LDLRAD4: variants seen among roughly 807,000 people sequenced by gnomAD.
LDLRAD4 encodes the protein low density lipoprotein receptor class A domain containing 4.
In LDLRAD4, 5 loss-of-function variants were observed where a neutral mutation model predicts 17.0. The ratio of observed to expected loss-of-function variants is 0.29; its 90% CI spans 0.15 to 0.62. The LOEUF is 0.62. Ranked by LOEUF, LDLRAD4 falls within the 20% of genes least tolerant of loss-of-function variation. The pLI, the probability that LDLRAD4 is intolerant of heterozygous loss-of-function variation, is 0.84. For synonymous variants in LDLRAD4, 168 were observed against 171.8 expected (o/e 0.98, Z 0.17); for missense variants, 340 against 424.7 (o/e 0.80, Z 1.75).
At chr18:13,573,808 A>G (rs2094727177) in intron 3 of LDLRAD4, among the ~76,000 whole-genome samples, 1 of 152,194 alleles carries the variant, frequency 6.6e-6, no homozygotes, top group Non-Finnish European at 1.5e-5. Context: ...TTAAGTTCAG[A>G]TCTGTAGACC....
chr18:13,446,417 G>A (rs2091408747), intron 3 of LDLRAD4, among the ~76,000 whole-genome samples: 1 of 152,182 alleles, frequency 6.6e-6, no homozygotes, highest in Non-Finnish European at 1.5e-5. Context: ...CTGTTCAGAA[G>A]GGCCACAGAG....
At chr18:13,451,927 T>C (rs2091861069) in intron 3 of LDLRAD4, among the ~76,000 whole-genome samples, 1 of 152,126 alleles carries the variant, frequency 6.6e-6, no homozygotes, top group Non-Finnish European at 1.5e-5. Flanking sequence ...TACAAAAACT[T>C]TCAGAGCCTA....
chr18:13,401,357 A>G (rs1334548622), intron 2 of LDLRAD4, among the ~76,000 whole-genome samples: 1 of 137,186 alleles, frequency 7.3e-6, no homozygotes, highest in East Asian at 2.1e-4. Flanking sequence ...GTCTTTTTCT[A>G]AATCATCGCT....
At chr18:13,430,020 G>A (rs761013152) in intron 2 of LDLRAD4, among the ~76,000 whole-genome samples, 5 of 152,186 alleles carry the variant, frequency 3.3e-5, no homozygotes, top group Non-Finnish European at 5.9e-5. Context: ...GCCTGTGGCC[G>A]TGCTCCTTGC....
chr18:13,641,738 G>A, intron 4 of LDLRAD4: 1 of 985,082 alleles, frequency 1.0e-6, no homozygotes, highest in Non-Finnish European at 1.2e-6. Flanking sequence ...AAGGGGAGCG[G>A]GGCGCTGGGT....
intron 3 of LDLRAD4, among the ~76,000 whole-genome samples, chr18:13,599,657 ATT>A (rs1247092440): frequency 2.6e-5 from 4 of 151,458 alleles, no homozygotes; most frequent in Non-Finnish European, 4.4e-5. Context: ...CACCCGGCTA[ATT>A]TTTTTGTATT....
intron 3 of LDLRAD4, among the ~76,000 whole-genome samples, chr18:13,590,702 C>T (rs548611267): frequency 1.1e-4 from 16 of 152,310 alleles, no homozygotes; most frequent in Non-Finnish European, 1.5e-4. Flanking sequence ...GCTCCCTGCC[C>T]TTGACTGATT....
chr18:13,433,204 C>G (rs1265490419), intron 2 of LDLRAD4, among the ~76,000 whole-genome samples: 1 of 152,168 alleles, frequency 6.6e-6, no homozygotes, highest in Admixed American at 6.5e-5. Context: ...TAGATTTGAC[C>G]TCTTTGCTAT....
chr18:13,523,286 G>A (rs2093980910), intron 3 of LDLRAD4, among the ~76,000 whole-genome samples: 1 of 152,216 alleles, frequency 6.6e-6, no homozygotes, highest in Admixed American at 6.5e-5. Context: ...ATTGTCCTGG[G>A]TGGGCCTGGT....
At chr18:13,461,661 C>A (rs574134580) in intron 3 of LDLRAD4, among the ~76,000 whole-genome samples, 37 of 152,282 alleles carry the variant, frequency 2.4e-4, no homozygotes, top group Admixed American at 2.2e-3. Flanking sequence ...TTGGTGTACA[C>A]CCTATGTAAA....
Position 13,528,814 on chromosome 18 carries a change from A to T in LDLRAD4, c.181+90430A>T, listed in dbSNP as rs556347509. ...GGCTCCTGCATAGCAGCGTTCCCCC[A>T]ACTGTAGGATACATGACTCCCAGGG... On this transcript the variant is annotated intron_variant, in intron 3 of 5. Transcript: ENST00000359446. 7.9e-5 allele frequency among the ~76,000 whole-genome samples: 12 copies of T among 152,248 alleles called. 2 individuals are homozygous for T. In the South Asian group the frequency reaches 2.5e-3, roughly 32 times the overall value.
At chr18:13,380,293 C>T (rs56183091) in intron 1 of LDLRAD4, among the ~76,000 whole-genome samples, 9,586 of 152,288 alleles carry the variant, frequency 0.063, 324 homozygotes, top group East Asian at 0.11. Context: ...TCCCAGCGAG[C>T]GGCTGGTGCA....
At chr18:13,301,279 T>TC (rs1289772503) in intron 1 of LDLRAD4, among the ~76,000 whole-genome samples, 5 of 152,156 alleles carry the variant, frequency 3.3e-5, no homozygotes, top group Non-Finnish European at 5.9e-5. Flanking sequence ...GAACACTCTT[T>TC]CCCCACAACT....
chr18:13,513,663 A>G (rs947307428), intron 3 of LDLRAD4, among the ~76,000 whole-genome samples: 1 of 152,096 alleles, frequency 6.6e-6, no homozygotes, highest in Non-Finnish European at 1.5e-5. Flanking sequence ...TTTTCTTGCT[A>G]TGTTCAAATC....
chr18:13,248,906 C>T (rs1304281065), intron 1 of LDLRAD4, among the ~76,000 whole-genome samples: 1 of 152,226 alleles, frequency 6.6e-6, no homozygotes, highest in Non-Finnish European at 1.5e-5. Context: ...CCCCCTTTCC[C>T]TACAACCCTT....
At chr18:13,370,713 G>T (rs371347389) in intron 1 of LDLRAD4, among the ~76,000 whole-genome samples, 37 of 17,232 alleles carry the variant, frequency 2.1e-3, no homozygotes, top group East Asian at 7.9e-3. Flanking sequence ...TTTTTGTTTT[G>T]TTTTTTTTTT....
intron 4 of LDLRAD4, among the ~76,000 whole-genome samples, chr18:13,631,143 C>T (rs1312380989): frequency 2.0e-5 from 3 of 152,010 alleles, no homozygotes; most frequent in Admixed American, 6.6e-5. Context: ...TGGCTGCAGA[C>T]GACTGTCCTT....
At chr18:13,524,415 G>A (rs982549336) in intron 3 of LDLRAD4, among the ~76,000 whole-genome samples, 3 of 152,104 alleles carry the variant, frequency 2.0e-5, no homozygotes, top group Non-Finnish European at 2.9e-5. Flanking sequence ...AGTTAGTTGA[G>A]TAGATCAAAT....
At chr18:13,400,323 C>T (rs1268763182) in intron 2 of LDLRAD4, among the ~76,000 whole-genome samples, 1 of 152,154 alleles carries the variant, frequency 6.6e-6, no homozygotes, top group Non-Finnish European at 1.5e-5. Flanking sequence ...AAAAGTGCCA[C>T]GGGGTCTTTG....
Sources: gnomAD v4.1 joint callset for allele counts (sites outside exome capture counted in the v4.1 genomes callset) on GRCh38, gnomAD v4.1.1 for gene constraint, MANE v1.5 for transcripts, NCBI Gene and HGNC (gene_info 2026-07-23, HGNC 2026-07-21) for gene names.